SPIDR: variants seen among roughly 807,000 people sequenced by gnomAD.
SPIDR encodes scaffold protein involved in DNA repair.
Under a neutral mutation model 104.6 loss-of-function variants are expected in SPIDR, and 93 were observed. The observed-to-expected ratio is 0.89, with a 90% CI of 0.75 to 1.06. The LOEUF is 1.06. Among genes scored for constraint, SPIDR ranks in the 50% least tolerant of loss-of-function variants. SPIDR has a pLI of 0.00. For missense variants in SPIDR, 1,154 were observed against 1,111.2 expected (o/e 1.04, Z -0.55); for synonymous variants, 431 against 416.9 (o/e 1.03, Z -0.41).
chr8:47,540,174 A>G (rs1257914408), intron 8 of SPIDR, among the ~76,000 whole-genome samples: 1 of 152,220 alleles, frequency 6.6e-6, no homozygotes, highest in Non-Finnish European at 1.5e-5. Context: ...TAAGAAGGTT[A>G]TAAGGCTAAT....
At chr8:47,592,401 T>C in intron 8 of SPIDR, 2 of 1,410,834 alleles carry the variant, frequency 1.4e-6, no homozygotes, top group Non-Finnish European at 2.0e-6. Flanking sequence ...TGAAACATAC[T>C]GTAGGGGCTG....
At chr8:47,685,513 A>AT (rs376980650) in intron 11 of SPIDR, among the ~76,000 whole-genome samples, 82 of 121,048 alleles carry the variant, frequency 6.8e-4, no homozygotes, top group Middle Eastern at 4.2e-3. Context: ...TTATTTATTT[A>AT]TTTATTTTTT....
At chr8:47,375,650 G>A (rs1219620479) in intron 5 of SPIDR, among the ~76,000 whole-genome samples, 1 of 152,106 alleles carries the variant, frequency 6.6e-6, no homozygotes, top group Non-Finnish European at 1.5e-5. Flanking sequence ...TTTTTTTAAA[G>A]AGGCAGTGTC....
intron 8 of SPIDR, among the ~76,000 whole-genome samples, chr8:47,587,192 G>A (rs985032381): frequency 3.3e-5 from 5 of 152,130 alleles, no homozygotes; most frequent in South Asian, 4.2e-4. Context: ...TATAGTTTAC[G>A]TTTATATTCA....
intron 5 of SPIDR, among the ~76,000 whole-genome samples, chr8:47,372,211 GA>G (rs1554639477): frequency 1.3e-5 from 2 of 152,124 alleles, no homozygotes; most frequent in Non-Finnish European, 2.9e-5. Context: ...CTGAGGTCAA[GA>G]AAAATGTTTT....
intron 5 of SPIDR, among the ~76,000 whole-genome samples, chr8:47,339,766 G>A (rs2050393656): frequency 7.5e-6 from 1 of 133,614 alleles, no homozygotes. Context: ...TGCAACCTTT[G>A]CCTCCCAGGT....
intron 7 of SPIDR, among the ~76,000 whole-genome samples, chr8:47,426,710 C>T (rs984179795): frequency 6.6e-6 from 1 of 152,140 alleles, no homozygotes; most frequent in Admixed American, 6.5e-5. Context: ...GCCTAATATC[C>T]GCCTCACCAG....
chr8:47,457,275 T>C (rs2073148117), intron 8 of SPIDR, among the ~76,000 whole-genome samples: 1 of 152,136 alleles, frequency 6.6e-6, no homozygotes, highest in Non-Finnish European at 1.5e-5. Context: ...TCTATTATTT[T>C]TTGATGTTTT....
At position 47,599,215 on chromosome 8, in the gene SPIDR, G is replaced by A. The variant is rs770211939; in HGVS notation, c.1544+19G>A. 16 of 1,611,224 alleles carry A rather than the reference G, an allele frequency of 9.9e-6. No homozygotes were observed. The South Asian group carries it at 1.7e-4, about 17-fold the overall frequency. ...GAACTCGGTGAGTGCCAAGATGCTG[G>A]TGTGGGGCAGAGGTGAAGAGTCACT... On this transcript the variant is annotated intron_variant, in intron 10 of 19. Coordinates refer to ENST00000297423, the MANE Select transcript of SPIDR (RefSeq NM_001080394.4).
intron 10 of SPIDR, among the ~76,000 whole-genome samples, chr8:47,614,183 C>A (rs548523797): frequency 1.2e-4 from 18 of 152,024 alleles, no homozygotes; most frequent in African/African-American, 3.4e-4. Context: ...ATATCCACGT[C>A]CCTGCAAAGG....
intron 11 of SPIDR, among the ~76,000 whole-genome samples, chr8:47,685,489 A>ATTTTTTTTTTTTT (rs1563538942): frequency 8.9e-6 from 1 of 112,966 alleles, no homozygotes; most frequent in Admixed American, 9.6e-5. Context: ...TTATTTATTT[A>ATTTTTTTTTTTTT]TTTATTTATT....
intron 5 of SPIDR, among the ~76,000 whole-genome samples, chr8:47,322,244 T>A (rs1162852451): frequency 2.6e-5 from 4 of 151,790 alleles, no homozygotes; most frequent in Admixed American, 6.6e-5. Flanking sequence ...CAACAAATTT[T>A]CAAGAAAAAA....
chr8:47,301,338 C>T (rs937763699), intron 5 of SPIDR, among the ~76,000 whole-genome samples: 45 of 152,158 alleles, frequency 3.0e-4, no homozygotes, highest in African/African-American at 1.1e-3. Context: ...CTATGTGTGT[C>T]TCTGCACGTG....
chr8:47,413,490 C>G (rs145916841), intron 7 of SPIDR, among the ~76,000 whole-genome samples: 3 of 152,354 alleles, frequency 2.0e-5, no homozygotes, highest in East Asian at 1.9e-4. Flanking sequence ...TCCTCTTGAT[C>G]TTGCTAGTGG....
At chr8:47,707,443 G>T (rs1323950433) in intron 14 of SPIDR, among the ~76,000 whole-genome samples, 1 of 151,938 alleles carries the variant, frequency 6.6e-6, no homozygotes, top group Non-Finnish European at 1.5e-5. Flanking sequence ...TTGTTTGTTG[G>T]TTTATTGTTG....
intron 5 of SPIDR, among the ~76,000 whole-genome samples, chr8:47,316,309 A>G (rs948780404): frequency 2.0e-5 from 3 of 152,224 alleles, no homozygotes; most frequent in East Asian, 1.9e-4. Flanking sequence ...ATGTAGAGCA[A>G]TGAGAACTCT....
intron 8 of SPIDR, among the ~76,000 whole-genome samples, chr8:47,580,030 G>A (rs1298787167): frequency 1.3e-5 from 2 of 152,184 alleles, no homozygotes; most frequent in Non-Finnish European, 2.9e-5. Flanking sequence ...CTCCGAAGAT[G>A]GGAATAGTCA....
At chr8:47,684,031 C>T (rs2077428394) in intron 11 of SPIDR, among the ~76,000 whole-genome samples, 1 of 145,122 alleles carries the variant, frequency 6.9e-6, no homozygotes, top group Non-Finnish European at 1.5e-5. Flanking sequence ...TAGGCTGAGG[C>T]AGGGAGAATT....
chr8:47,549,877 T>C (rs2090154086), intron 8 of SPIDR, among the ~76,000 whole-genome samples: 3 of 152,218 alleles, frequency 2.0e-5, no homozygotes, highest in African/African-American at 7.2e-5. Flanking sequence ...TAGGTTTTCT[T>C]CTAGGGTTTT....
Sources: gnomAD v4.1 joint callset for allele counts (sites outside exome capture counted in the v4.1 genomes callset) on GRCh38, gnomAD v4.1.1 for gene constraint, MANE v1.5 for transcripts, NCBI Gene and HGNC (gene_info 2026-07-23, HGNC 2026-07-21) for gene names.